TTC28: variants seen among roughly 807,000 people sequenced by gnomAD.
TTC28 encodes the protein tetratricopeptide repeat domain 28, also known as tetratricopeptide repeat protein 28.
In TTC28, 61 loss-of-function variants were observed where a neutral mutation model predicts 198.0. The observed-to-expected ratio is 0.31, with a 90% CI of 0.25 to 0.38. The LOEUF is 0.38. TTC28 is among the 10% of genes least tolerant of loss of function. The pLI is 1.00. For missense variants in TTC28, 2,678 were observed against 3,164.0 expected, an observed-to-expected ratio of 0.85 and a Z score of 3.69; for synonymous variants, 1,171 against 1,297.8, an observed-to-expected ratio of 0.90 and a Z score of 2.10.
intron 5 of TTC28, among the ~76,000 whole-genome samples, chr22:28,257,739 C>CATATACATAT (rs1555952253): frequency 5.2e-5 from 5 of 96,576 alleles, no homozygotes; most frequent in African/African-American, 2.3e-4. Context: ...GGTAATAGAA[C>CATATACATAT]ATATATATAT....
intron 4 of TTC28, 26 bp from the exon 5 acceptor site, chr22:28,296,354 A>AAG: frequency 6.7e-7 from 1 of 1,488,344 alleles, no homozygotes. Flanking sequence ...AAAAAAAAAA[A>AAG]GAAAAAATTT....
chr22:28,112,149 A>G (rs1942499553), intron 6 of TTC28, among the ~76,000 whole-genome samples: 1 of 152,208 alleles, frequency 6.6e-6, no homozygotes, highest in South Asian at 2.1e-4. Context: ...GTCATATTAT[A>G]ATCATTTCAA....
At chr22:28,437,658 T>C (rs1354971968) in intron 2 of TTC28, among the ~76,000 whole-genome samples, 3 of 152,026 alleles carry the variant, frequency 2.0e-5, no homozygotes, top group African/African-American at 4.8e-5. Context: ...AACGGCACTA[T>C]CACAGCTCAC....
At chr22:28,308,949 GT>G (rs1192366366) in intron 2 of TTC28, among the ~76,000 whole-genome samples, 2 of 152,172 alleles carry the variant, frequency 1.3e-5, no homozygotes, top group African/African-American at 4.8e-5. Flanking sequence ...AACTCAAAGA[GT>G]GGGGCTCTCC....
chr22:28,064,088 A>C (rs1237496508), intron 12 of TTC28, among the ~76,000 whole-genome samples: 1 of 152,208 alleles, frequency 6.6e-6, no homozygotes, highest in African/African-American at 2.4e-5. Context: ...GAAATAGGAT[A>C]AGCATGGCAG....
intron 2 of TTC28, among the ~76,000 whole-genome samples, chr22:28,611,697 C>A (rs1459832914): frequency 7.5e-6 from 1 of 133,962 alleles, no homozygotes; most frequent in African/African-American, 2.7e-5. Context: ...TGTGATATTC[C>A]CCTTCCTGTG....
At chr22:28,249,699 C>T (rs1879937249) in intron 5 of TTC28, among the ~76,000 whole-genome samples, 1 of 152,182 alleles carries the variant, frequency 6.6e-6, no homozygotes, top group Non-Finnish European at 1.5e-5. Flanking sequence ...GGGTTGCATG[C>T]CCTCCACGTT....
chr22:28,001,601 G>A, intron 14 of TTC28, 48 bp from the exon 15 acceptor site: 2 of 1,531,924 alleles, frequency 1.3e-6, no homozygotes, highest in East Asian at 4.9e-5. Context: ...CAGCAGGCAG[G>A]GGTTTCAGGC....
intron 2 of TTC28, among the ~76,000 whole-genome samples, chr22:28,585,977 T>TAAA (rs892582692): frequency 1.4e-5 from 2 of 141,548 alleles, no homozygotes; most frequent in African/African-American, 2.6e-5. Flanking sequence ...AAGGTACAAT[T>TAAA]AAAAAAAAAA....
At chr22:28,024,569 G>A (rs1938746379) in intron 13 of TTC28, among the ~76,000 whole-genome samples, 1 of 152,228 alleles carries the variant, frequency 6.6e-6, no homozygotes, top group South Asian at 2.1e-4. Context: ...AGGGGGGACA[G>A]CGATGACCAT....
chr22:28,030,395 T>C (rs1939028756), intron 12 of TTC28, 29 bp from the exon 13 acceptor site: 1 of 1,551,074 alleles, frequency 6.4e-7, no homozygotes, highest in Admixed American at 2.0e-5. Context: ...AAAAAGCCAA[T>C]CAGAGAAAGG....
intron 13 of TTC28, among the ~76,000 whole-genome samples, chr22:28,025,545 C>T (rs558305876): frequency 3.3e-5 from 5 of 152,280 alleles, no homozygotes; most frequent in South Asian, 4.1e-4. Flanking sequence ...AGCACGCCTC[C>T]GTACAGCCCT....
intron 2 of TTC28, among the ~76,000 whole-genome samples, chr22:28,312,959 C>T (rs554191387): frequency 6.6e-6 from 1 of 151,876 alleles, no homozygotes; most frequent in Non-Finnish European, 1.5e-5. Flanking sequence ...ATAGATAGAC[C>T]ACTAGCAAGA....
chr22:28,521,155 T>C (rs1189733053), intron 2 of TTC28, among the ~76,000 whole-genome samples: 3 of 152,016 alleles, frequency 2.0e-5, no homozygotes, highest in Non-Finnish European at 4.4e-5. Flanking sequence ...ATCCAGGGAT[T>C]TGGGAGGCCA....
At chr22:28,381,457 G>A (rs1033353497) in intron 2 of TTC28, among the ~76,000 whole-genome samples, 1 of 152,130 alleles carries the variant, frequency 6.6e-6, no homozygotes, top group Non-Finnish European at 1.5e-5. Flanking sequence ...AGTATTCAAG[G>A]ACGGAGCTTC....
Position 27,996,741 on chromosome 22 carries a change from G to A in TTC28, c.5120-482C>T, listed in dbSNP as rs554709872. On this transcript the variant is annotated intron_variant, in intron 16 of 22. Coordinates refer to ENST00000397906, the MANE Select transcript of TTC28 (RefSeq NM_001145418.2). ...GGGCTGAGGAGCACCGCATCCCACC[G>A]TTCCTTTCCACACTCCCTTCCGAAA... Among the ~76,000 whole-genome samples, 99 of 152,060 alleles carry A rather than the reference G, an allele frequency of 6.5e-4. 1 individual carries two copies. Among genetic ancestry groups the A allele is most frequent in the Admixed American group, 9.2e-4 (14 of 15,278 alleles).
chr22:28,563,425 A>T (rs987723789), intron 2 of TTC28, among the ~76,000 whole-genome samples: 1 of 152,216 alleles, frequency 6.6e-6, no homozygotes, highest in Non-Finnish European at 1.5e-5. Context: ...TAAGAACTGC[A>T]GTGATTTGCT....
At chr22:28,403,857 T>C (rs956493340) in intron 2 of TTC28, among the ~76,000 whole-genome samples, 1 of 152,110 alleles carries the variant, frequency 6.6e-6, no homozygotes, top group Non-Finnish European at 1.5e-5. Flanking sequence ...ATAAAAACAA[T>C]CTCTACAGCT....
At chr22:28,248,137 C>A (rs1358621990) in intron 5 of TTC28, among the ~76,000 whole-genome samples, 1 of 152,190 alleles carries the variant, frequency 6.6e-6, no homozygotes, top group Non-Finnish European at 1.5e-5. Context: ...TTCAACTCTG[C>A]AGTAAGGCTG....
Sources: gnomAD v4.1 joint callset for allele counts (sites outside exome capture counted in the v4.1 genomes callset) on GRCh38, gnomAD v4.1.1 for gene constraint, MANE v1.5 for transcripts, NCBI Gene and HGNC (gene_info 2026-07-23, HGNC 2026-07-21) for gene names.